TMEM278: variants seen among roughly 807,000 people sequenced by gnomAD.
TMEM278 encodes the protein transmembrane protein 278, also known as transmembrane protein 88B.
chr1:1,428,469 T>G, the TMEM278 span, among the ~76,000 whole-genome samples: 1 of 152,128 alleles, frequency 6.6e-6, no homozygotes, highest in Non-Finnish European at 1.5e-5. Flanking sequence ...CTCACTGACT[T>G]TGGTGTTCCT....
the TMEM278 span, among the ~76,000 whole-genome samples, chr1:1,429,452 C>T: frequency 6.6e-6 from 1 of 152,016 alleles, no homozygotes. Flanking sequence ...TTTTAGATTA[C>T]AGTTTCCACT....
the TMEM278 span, among the ~76,000 whole-genome samples, chr1:1,427,958 G>A: frequency 1.7e-5 from 2 of 117,044 alleles, no homozygotes; most frequent in Admixed American, 9.0e-5. Context: ...CCCCCGCCAC[G>A]GAGGGCAGGG....
chr1:1,426,791 C>G, the TMEM278 span, among the ~76,000 whole-genome samples: 1 of 152,088 alleles, frequency 6.6e-6, no homozygotes, highest in Non-Finnish European at 1.5e-5. Context: ...TCCCCACCTG[C>G]AGAGTGGGCT....
chr1:1,426,152 G>A, the TMEM278 span: 9 of 1,378,504 alleles, frequency 6.5e-6, no homozygotes, highest in Admixed American at 3.3e-5. Context: ...GAGGGAGACG[G>A]AGGAGGAGGA....
chr1:1,429,117 C>T, the TMEM278 span, among the ~76,000 whole-genome samples: 1 of 151,756 alleles, frequency 6.6e-6, no homozygotes, highest in African/African-American at 2.4e-5. Flanking sequence ...TGCAGTGAGC[C>T]GAAATCATGC....
chr1:1,427,110 A>C, the TMEM278 span, among the ~76,000 whole-genome samples: 1 of 94,966 alleles, frequency 1.1e-5, no homozygotes, highest in Admixed American at 1.2e-4. Context: ...TCAGCCCGCC[A>C]CGGCCCCTCT....
the TMEM278 span, among the ~76,000 whole-genome samples, chr1:1,429,611 G>A: frequency 5.3e-5 from 8 of 152,108 alleles, no homozygotes; most frequent in African/African-American, 1.9e-4. Context: ...TTGTTTAATT[G>A]TCAGCTGTTA....
chr1:1,426,403 G>A, the TMEM278 span: 1 of 1,358,654 alleles, frequency 7.4e-7, no homozygotes, highest in Non-Finnish European at 9.5e-7. Flanking sequence ...TGTGCCCCGT[G>A]GGCGGGGGAC....
chr1:1,429,360 AG>A, the TMEM278 span, among the ~76,000 whole-genome samples: 3 of 151,962 alleles, frequency 2.0e-5, no homozygotes, highest in African/African-American at 7.3e-5. Flanking sequence ...AAAAAAAAAA[AG>A]GTTAGCATAT....
At chr1:1,429,101 A>G in the TMEM278 span, among the ~76,000 whole-genome samples, 3 of 152,060 alleles carry the variant, frequency 2.0e-5, no homozygotes, top group African/African-American at 7.2e-5. Context: ...CCCAGGAGGC[A>G]GAGATTGCAG....
chr1:1,429,409 A>AT, the TMEM278 span, among the ~76,000 whole-genome samples: 6 of 151,490 alleles, frequency 4.0e-5, no homozygotes, highest in South Asian at 4.2e-4. Flanking sequence ...GATTTGTCTG[A>AT]TTTTTTTTAT....
the TMEM278 span, among the ~76,000 whole-genome samples, chr1:1,428,488 C>T: frequency 6.6e-6 from 1 of 152,132 alleles, no homozygotes; most frequent in East Asian, 1.9e-4. Context: ...CTTGGTCTCA[C>T]CAGCGCGTCC....
the TMEM278 span, chr1:1,426,087 A>G: frequency 1.2e-4 from 164 of 1,351,970 alleles, 1 homozygote; most frequent in Middle Eastern, 4.8e-4. Flanking sequence ...ACCACTCTGC[A>G]TTGAGCACCG....
At chr1:1,428,912 A>G in the TMEM278 span, among the ~76,000 whole-genome samples, 1 of 150,934 alleles carries the variant, frequency 6.6e-6, no homozygotes, top group African/African-American at 2.4e-5. Context: ...AGGCAGGAGA[A>G]TGGCGTGAAC....
the TMEM278 span, among the ~76,000 whole-genome samples, chr1:1,428,999 C>CAAA: frequency 3.6e-3 from 340 of 93,258 alleles, 4 homozygotes; most frequent in African/African-American, 0.012. Context: ...GGCTCCGTCT[C>CAAA]AAAAAAAAAA....
At chr1:1,427,878 G>T in the TMEM278 span, 1 of 1,196,854 alleles carries the variant, frequency 8.4e-7, no homozygotes, top group Non-Finnish European at 1.1e-6. Context: ...GGTCGCCCCC[G>T]CTGCCCCTTC....
the TMEM278 span, chr1:1,426,331 G>A: frequency 6.9e-7 from 1 of 1,459,614 alleles, no homozygotes; most frequent in Non-Finnish European, 9.1e-7. Context: ...CCTTCCTGCT[G>A]GTGCTCCTGC....
chr1:1,426,751 C>T, the TMEM278 span, among the ~76,000 whole-genome samples: 4 of 152,092 alleles, frequency 2.6e-5, no homozygotes, highest in African/African-American at 9.7e-5. Context: ...ACACAAGGCC[C>T]CTCCCAGGCC....
chr1:1,426,813 T>TGGGCCCC, the TMEM278 span, among the ~76,000 whole-genome samples: 3 of 151,972 alleles, frequency 2.0e-5, no homozygotes, highest in South Asian at 6.2e-4. Flanking sequence ...TGGCCTGCTC[T>TGGGCCCC]GGGCCCCGGG....
Sources: gnomAD v4.1 joint callset for allele counts (sites outside exome capture counted in the v4.1 genomes callset) on GRCh38, gnomAD v4.1.1 for gene constraint, MANE v1.5 for transcripts, NCBI Gene and HGNC (gene_info 2026-07-23, HGNC 2026-07-21) for gene names.